Variants in CELSR1 observed in about 807,000 individuals in gnomAD.
CELSR1 encodes adhesion G protein-coupled receptor C1.
CELSR1 carries 110 observed loss-of-function variants against 249.1 expected under a neutral mutation model. The ratio of observed to expected loss-of-function variants is 0.44; its 90% confidence interval spans 0.38 to 0.52. The LOEUF (loss-of-function observed/expected upper bound fraction) is 0.52. CELSR1 is among the 20% of genes least tolerant of loss of function. CELSR1 has a pLI of 0.00. For synonymous variants in CELSR1, 2,113 were observed against 1,900.0 expected, an observed-to-expected ratio of 1.11 and a Z score of -2.92; for missense variants, 4,109 against 4,296.4, an observed-to-expected ratio of 0.96 and a Z score of 1.22.
chr22:46,433,601 C>T lies in CELSR1; in HGVS notation c.4523-120G>A. 4.4e-6 allele frequency: 3 copies of T among 679,000 alleles called. No individual in the cohort carries two copies. Among genetic ancestry groups the T allele is most frequent in the Non-Finnish European group, 7.8e-6 (3 of 385,214 alleles). 42.1% of individuals were successfully genotyped at this position (679,000 alleles called of 1,614,324 possible). Reference sequence around the variant, plus strand: ...GTGCACATGGCCACGTCCTCCCTCCCCTCCCCACGGCACCATGGTGGGAGG... The same window carrying T: ...GTGCACATGGCCACGTCCTCCCTCCTCTCCCCACGGCACCATGGTGGGAGG... On this transcript the variant is annotated intron_variant, in intron 4 of 34. Coordinates refer to ENST00000674500, the MANE Select transcript of CELSR1 (RefSeq NM_001378328.1). This position sits in a 1 kb window ranked among gnomAD's most constrained non-coding sequence, Gnocchi z 5.7.
chr22:46,503,589 GTTCC>G (rs748724518), intron 1 of CELSR1, among the ~76,000 whole-genome samples: 1 of 152,200 alleles, frequency 6.6e-6, no homozygotes, highest in Non-Finnish European at 1.5e-5. Context: ...TGATCCGCCC[GTTCC>G]TTCACTTAAG....
rs1181989614 is a variant in CELSR1 at position 46,536,280 on chromosome 22, T to G, written c.891A>C (p.Arg297=). Residue 297 remains arginine, a synonymous_variant, in exon 1 of 35, where the codon CGA becomes CGC. Transcript: ENST00000674500. ...TCACGGCGCCCGTGGCAGAGTCGAT[T>G]CGGAAGTAGCCCCGGGAGCGCTCGT... ...LFDERSRGYF[R]IDSATGAVST... 3.1e-6 allele frequency: 5 copies of G among 1,612,476 alleles called. No individual in the cohort carries two copies. The highest frequency in any genetic ancestry group is 4.2e-6 in the Non-Finnish European group (5 of 1,179,876).
At chr22:46,465,527 G>A in intron 1 of CELSR1, among the ~76,000 whole-genome samples, 1 of 152,168 alleles carries the variant, frequency 6.6e-6, no homozygotes, top group Non-Finnish European at 1.5e-5. Context: ...GGAGGGTGAT[G>A]AGGCCCAGAG....
chr22:46,510,552 C>T (rs1377365212), intron 1 of CELSR1, among the ~76,000 whole-genome samples: 2 of 152,320 alleles, frequency 1.3e-5, no homozygotes, highest in South Asian at 2.1e-4. Flanking sequence ...AGAGGCGCTG[C>T]GGTAAACGCT....
At chr22:46,521,346 A>G (rs539943233) in intron 1 of CELSR1, among the ~76,000 whole-genome samples, 1 of 152,238 alleles carries the variant, frequency 6.6e-6, no homozygotes, top group South Asian at 2.1e-4. Flanking sequence ...TCTACTAAAA[A>G]TTCAAAAAAT....
In CELSR1 at chr22:46,382,021, T is replaced by G. The variant is rs1419878038; in HGVS notation, c.6913A>C (p.Arg2305=). ...EGPLLRPAGR[R]TTPQTTRPGP... The stretch of plus-strand genomic sequence containing the variant: ...GGGCGCGTGGTCTGCGGGGTGGTCC[T>G]CCGGCCAGCCGGCCTCAGCAGGGGG... Residue 2305 remains arginine (R), a synonymous_variant, in exon 21 of 35, where the codon AGG becomes CGG. Transcript: ENST00000674500. The G allele has an allele frequency of 6.4e-7, 1 of 1,553,424 alleles. No individual in the cohort carries two copies. Among genetic ancestry groups the G allele is most frequent in the South Asian group, 1.2e-5 (1 of 84,678 alleles).
chr22:46,464,261 C>A lies in CELSR1; in HGVS notation c.3629G>T (p.Arg1210Leu), dbSNP rs757171253. ...DDMLTNSITV[R>L]LENMSQEKFL... ...CTTCTCCTGGGACATGTTCTCCAGG[C>A]GGACAGTGATGCTGTTGGTCAGCAT... is the stretch of plus-strand genomic sequence containing the variant. The change falls in exon 2 of 35, where the codon CGC becomes CTC. Residue 1210 changes from arginine to leucine, a missense_variant. Around this residue, in one of 7 missense-constraint regions of CELSR1, gnomAD observed 886 missense variants for 896.5 expected, o/e 0.99. Coordinates refer to ENST00000674500, the MANE Select transcript of CELSR1 (RefSeq NM_001378328.1). This position sits in a 1 kb window ranked among gnomAD's most constrained non-coding sequence, Gnocchi z 8.5. 2.5e-6 allele frequency: 4 copies of A among 1,613,710 alleles called. No homozygotes were observed. The highest frequency in any genetic ancestry group is 8.5e-7 in the Non-Finnish European group (1 of 1,180,030).
Position 46,533,812 on chromosome 22 carries a change from G to A in CELSR1, c.3359C>T (p.Pro1120Leu). ...NYVTNKSNSF[P>L]TGVIGCIPAH... The stretch of plus-strand genomic sequence containing the variant: ...CGGGATGCAGCCGATCACGCCGGTG[G>A]GGAAACTGTTGGACTTGTTGGTGAC... Residue 1120 changes from proline to leucine, a missense_variant, in exon 1 of 35, where the codon CCC (proline) becomes CTC (leucine). By Grantham distance (98) the Pro-to-Leu change is moderately conservative. Around this residue, in one of 7 missense-constraint regions of CELSR1, gnomAD observed 886 missense variants for 896.5 expected, o/e 0.99. Coordinates refer to ENST00000674500, the MANE Select transcript of CELSR1 (RefSeq NM_001378328.1). 1 of 1,613,850 alleles carries A rather than the reference G, an allele frequency of 6.2e-7. No individual in the cohort carries two copies. The highest frequency in any genetic ancestry group is 8.5e-7 in the Non-Finnish European group (1 of 1,180,022).
chr22:46,497,275 T>C (rs2080422602), intron 1 of CELSR1, among the ~76,000 whole-genome samples: 1 of 152,278 alleles, frequency 6.6e-6, no homozygotes, highest in African/African-American at 2.4e-5. Context: ...TTTTATTTTC[T>C]TTATACGTAA....
At chr22:46,493,403 G>A (rs2147706007) in intron 1 of CELSR1, among the ~76,000 whole-genome samples, 1 of 151,726 alleles carries the variant, frequency 6.6e-6, no homozygotes, top group Non-Finnish European at 1.5e-5. Flanking sequence ...AAAATTAGCT[G>A]GGTGTGGTGG....
Position 46,440,878 on chromosome 22 carries a change from C to A in CELSR1, c.4184-1467G>T, listed in dbSNP as rs771717873. Among the ~76,000 whole-genome samples the A allele has an allele frequency of 1.3e-4, 20 of 152,130 alleles. No homozygotes were observed. Among genetic ancestry groups the A allele is most frequent in the Non-Finnish European group, 2.4e-4 (16 of 68,030 alleles). On this transcript the variant is annotated intron_variant, in intron 2 of 34. Transcript: ENST00000674500. The surrounding 1 kb of genome is among the most constrained non-coding windows in gnomAD (Gnocchi z 4.7). ...TGTTAAAAGACTGCCACAGGCCAGA[C>A]GCAATGGCTCACACCTATCATCCCA... is the stretch of plus-strand genomic sequence containing the variant.
At chr22:46,376,006 A>C (rs1465698057) in intron 24 of CELSR1, among the ~76,000 whole-genome samples, 1 of 152,220 alleles carries the variant, frequency 6.6e-6, no homozygotes. Flanking sequence ...ACAGTGGTGA[A>C]CGTGAGTGGG....
At chr22:46,501,010 ATTTT>A (rs1482647116) in intron 1 of CELSR1, among the ~76,000 whole-genome samples, 2 of 151,308 alleles carry the variant, frequency 1.3e-5, no homozygotes, top group Non-Finnish European at 2.9e-5. Context: ...TTATTTATTT[ATTTT>A]ATTTTATTTT....
chr22:46,464,128 G>T lies in CELSR1; in HGVS notation c.3762C>A (p.Ser1254Arg). ...VFNVQNDTDV[S>R]SNILNVTFSA... The stretch of plus-strand genomic sequence containing the variant: ...AGAAGGTCACGTTCAGGATGTTGGA[G>T]CTGACGTCGGTGTCGTTCTGGACGT... The change falls in exon 2 of 35, where the codon AGC (serine) becomes AGA (arginine). Residue 1254 changes from serine to arginine, a missense_variant. Coordinates refer to ENST00000674500, the MANE Select transcript of CELSR1 (RefSeq NM_001378328.1). The surrounding 1 kb of genome is among the most constrained non-coding windows in gnomAD (Gnocchi z 8.5). 6.2e-7 allele frequency: 1 copy of T among 1,613,858 alleles called. No individual in the cohort carries two copies.
chr22:46,535,828 T>C lies in CELSR1; in HGVS notation c.1343A>G (p.Glu448Gly). ...GTAGTTGTCGTTCTCGTCCTCCACC[T>C]CGATGTACACGGTGGCCGTGGCACT... ...PLSATATVYI[E>G]VEDENDNYPQ... The change falls in exon 1 of 35, where the codon GAG becomes GGG. Residue 448 changes from glutamate (E) to glycine (G), a missense_variant. Coordinates refer to ENST00000674500, the MANE Select transcript of CELSR1 (RefSeq NM_001378328.1). The C allele has an allele frequency of 6.2e-7, 1 of 1,607,320 alleles. No homozygotes were observed. Among genetic ancestry groups the C allele is most frequent in the Non-Finnish European group, 8.5e-7 (1 of 1,177,946 alleles).
intron 1 of CELSR1, among the ~76,000 whole-genome samples, chr22:46,493,844 C>T (rs143246248): frequency 0.032 from 4,812 of 152,190 alleles, 97 homozygotes; most frequent in Non-Finnish European, 0.05. Flanking sequence ...TGTGAGGCCT[C>T]CCCAGCCATG....
chr22:46,507,101 G>T (rs531872673), intron 1 of CELSR1, among the ~76,000 whole-genome samples: 6 of 152,110 alleles, frequency 3.9e-5, no homozygotes, highest in African/African-American at 1.4e-4. Context: ...CTGGAGGATC[G>T]CTTGAACCAG....
intron 2 of CELSR1, among the ~76,000 whole-genome samples, chr22:46,442,245 G>T (rs2079759644): frequency 6.6e-6 from 1 of 152,284 alleles, no homozygotes; most frequent in African/African-American, 2.4e-5. Context: ...GCTCTGGGGT[G>T]TGGGTTGCTG....
At chr22:46,450,379 T>C (rs942641379) in intron 2 of CELSR1, among the ~76,000 whole-genome samples, 2 of 152,216 alleles carry the variant, frequency 1.3e-5, no homozygotes, top group African/African-American at 4.8e-5. Flanking sequence ...ACAGCTCAGG[T>C]GACGCTCCCT....
Sources: allele counts gnomAD v4.1 joint callset (sites outside exome capture counted in the v4.1 genomes callset), GRCh38; gene constraint gnomAD v4.1.1; regional missense constraint gnomAD v4.1.1; non-coding constraint Gnocchi (gnomAD v3.1); transcripts MANE v1.5; gene names NCBI Gene and HGNC (gene_info 2026-07-23, HGNC 2026-07-21).